OR2L13: variants seen among roughly 807,000 people sequenced by gnomAD.
The protein encoded by OR2L13 is olfactory receptor 2L13.
Under a neutral mutation model 15.3 loss-of-function variants are expected in OR2L13, and 14 were observed. That is an observed-to-expected ratio of 0.91 (90% CI 0.60 to 1.43). The LOEUF (loss-of-function observed/expected upper bound fraction) is 1.43. OR2L13 is among the 40% of genes most tolerant of loss of function. The pLI, the probability that OR2L13 is intolerant of heterozygous loss-of-function variation, is 0.00. For missense variants in OR2L13, 367 were observed against 387.9 expected (o/e 0.95, Z 0.45); for synonymous variants, 152 against 142.9 (o/e 1.06, Z -0.45).
At chr1:248,066,062 A>G in the OR2L13 span, among the ~76,000 whole-genome samples, 2 of 152,152 alleles carry the variant, frequency 1.3e-5, no homozygotes, top group Non-Finnish European at 2.9e-5. Flanking sequence ...ATTTTTCACT[A>G]TCTTTACACC....
chr1:247,954,882 A>G, the OR2L13 span, among the ~76,000 whole-genome samples: 1 of 152,038 alleles, frequency 6.6e-6, no homozygotes, highest in South Asian at 2.1e-4. Flanking sequence ...ATACAGTACA[A>G]CTTCTATTTC....
chr1:248,060,742 A>G, the OR2L13 span: 1 of 1,614,124 alleles, frequency 6.2e-7, no homozygotes, highest in Non-Finnish European at 8.5e-7. Context: ...CCCACCATCA[A>G]GAATTGGCCT....
chr1:247,984,504 C>T, the OR2L13 span, among the ~76,000 whole-genome samples: 1 of 152,124 alleles, frequency 6.6e-6, no homozygotes, highest in Non-Finnish European at 1.5e-5. Flanking sequence ...AAATTACATA[C>T]TATTGCATCA....
chr1:247,986,908 G>A, the OR2L13 span, among the ~76,000 whole-genome samples: 1 of 152,096 alleles, frequency 6.6e-6, no homozygotes, highest in Non-Finnish European at 1.5e-5. Context: ...CATCTTAACA[G>A]TGTTAAGCCT....
At chr1:248,093,949 T>C (rs1408226391), upstream of OR2L13, among the ~76,000 whole-genome samples, 1 of 152,136 alleles carries the variant, frequency 6.6e-6, no homozygotes, top group African/African-American at 2.4e-5. Context: ...AAACTGGAGA[T>C]GATTAATGGG....
At chr1:247,974,782 TG>T in the OR2L13 span, 2 of 233,686 alleles carry the variant, frequency 8.6e-6, no homozygotes, top group African/African-American at 4.6e-5. Flanking sequence ...TTCATCTTAT[TG>T]GGGATCTTCC....
At chr1:248,000,109 CTTTT>C in the OR2L13 span, among the ~76,000 whole-genome samples, 3 of 123,978 alleles carry the variant, frequency 2.4e-5, no homozygotes, top group African/African-American at 6.6e-5. Flanking sequence ...CTTTTTCTTT[CTTTT>C]TTTTTTTTTG....
chr1:247,960,834 T>C, the OR2L13 span, among the ~76,000 whole-genome samples: 3 of 152,214 alleles, frequency 2.0e-5, no homozygotes, highest in African/African-American at 7.2e-5. Flanking sequence ...AGGTGCTGTC[T>C]GTCACCCCTT....
At chr1:248,056,182 T>C in the OR2L13 span, among the ~76,000 whole-genome samples, 5 of 152,170 alleles carry the variant, frequency 3.3e-5, no homozygotes, top group African/African-American at 1.2e-4. Flanking sequence ...TTATTCTTTT[T>C]TTATTATACT....
chr1:248,060,284 CAA>C, the OR2L13 span, among the ~76,000 whole-genome samples: 1 of 151,938 alleles, frequency 6.6e-6, no homozygotes, highest in African/African-American at 2.4e-5. Context: ...TATCTGGTAA[CAA>C]ATGTTGGTAT....
At chr1:248,100,310 A>C in exon 3 of OR2L13, 1 of 1,579,964 alleles carries the variant, frequency 6.3e-7, no homozygotes, top group Non-Finnish European at 8.7e-7. Flanking sequence ...TTCCTGAAAG[A>C]ATAATCATGG....
At chr1:247,982,536 G>C in the OR2L13 span, among the ~76,000 whole-genome samples, 12 of 152,182 alleles carry the variant, frequency 7.9e-5, no homozygotes, top group Non-Finnish European at 1.6e-4. Flanking sequence ...CGTGGGCACT[G>C]TTTGGAGAAT....
the OR2L13 span, among the ~76,000 whole-genome samples, chr1:248,078,173 G>T: frequency 1.3e-5 from 2 of 152,162 alleles, no homozygotes; most frequent in African/African-American, 4.8e-5. Context: ...TTCAAAAATT[G>T]CTAGTAGGAA....
At chr1:247,954,853 C>A in the OR2L13 span, among the ~76,000 whole-genome samples, 1 of 152,024 alleles carries the variant, frequency 6.6e-6, no homozygotes, top group Admixed American at 6.6e-5. Context: ...TTAAGACTTT[C>A]TCAAAATTAC....
upstream of OR2L13, among the ~76,000 whole-genome samples, chr1:248,091,066 T>A (rs567083606): frequency 3.9e-5 from 6 of 152,350 alleles, no homozygotes; most frequent in South Asian, 1.2e-3. Context: ...ATATGCTTAT[T>A]GGCAACATGG....
At chr1:247,999,364 A>G in the OR2L13 span, among the ~76,000 whole-genome samples, 2 of 152,134 alleles carry the variant, frequency 1.3e-5, no homozygotes, top group Non-Finnish European at 2.9e-5. Flanking sequence ...TGGTGTATCT[A>G]TCTGTGAGAG....
the OR2L13 span, chr1:248,040,621 CAAT>C: frequency 7.9e-5 from 12 of 152,138 alleles, no homozygotes; most frequent in African/African-American, 2.9e-4. Context: ...ATGATTTTCT[CAAT>C]AAGATATTCT....
the OR2L13 span, among the ~76,000 whole-genome samples, chr1:248,016,687 CA>C: frequency 2.6e-5 from 4 of 151,706 alleles, no homozygotes; most frequent in Non-Finnish European, 4.4e-5. Context: ...CTAGACCACA[CA>C]TTTTTTTAAA....
At chr1:247,981,887 C>T in the OR2L13 span, among the ~76,000 whole-genome samples, 4,986 of 151,404 alleles carry the variant, frequency 0.033, 249 homozygotes, top group African/African-American at 0.11. Flanking sequence ...GTGATCTCAG[C>T]TCACAGCAAG....
Sources: allele counts gnomAD v4.1 joint callset (sites outside exome capture counted in the v4.1 genomes callset), GRCh38; gene constraint gnomAD v4.1.1; transcripts MANE v1.5; gene names NCBI Gene and HGNC (gene_info 2026-07-23, HGNC 2026-07-21).